Variants in ST8SIA5 observed in about 807,000 individuals in gnomAD.
The protein encoded by ST8SIA5 is ST8 alpha-N-acetyl-neuraminide alpha-2,8-sialyltransferase 5.
Under a neutral mutation model 40.2 loss-of-function variants are expected in ST8SIA5, and 24 were observed. The observed-to-expected ratio is 0.60, with a 90% CI of 0.43 to 0.84. The LOEUF (loss-of-function observed/expected upper bound fraction) is 0.84. Ranked by LOEUF, ST8SIA5 falls within the 40% of genes least tolerant of loss-of-function variation. ST8SIA5 has a pLI of 0.00. For missense variants in ST8SIA5, 465 were observed against 498.5 expected (o/e 0.93, Z 0.64); for synonymous variants, 198 against 201.8 (o/e 0.98, Z 0.16).
At chr18:46,746,050 GT>G (rs1380915277) in intron 1 of ST8SIA5, among the ~76,000 whole-genome samples, 1 of 152,030 alleles carries the variant, frequency 6.6e-6, no homozygotes, top group East Asian at 1.9e-4. Context: ...TAAACTAGGT[GT>G]TGAAGGAACG....
chr18:46,689,895 G>T (rs1213678233), intron 3 of ST8SIA5, among the ~76,000 whole-genome samples: 4 of 147,210 alleles, frequency 2.7e-5, no homozygotes, highest in South Asian at 2.2e-4. Flanking sequence ...GGCCTATAAT[G>T]TTTTTTTTTT....
intron 2 of ST8SIA5, among the ~76,000 whole-genome samples, chr18:46,698,235 C>T (rs946573122): frequency 4.0e-5 from 6 of 151,318 alleles, no homozygotes; most frequent in Admixed American, 2.0e-4. Flanking sequence ...ACCCACCACA[C>T]CAACAATCAA....
intron 1 of ST8SIA5, among the ~76,000 whole-genome samples, chr18:46,729,084 C>T (rs888813564): frequency 2.6e-5 from 4 of 152,162 alleles, no homozygotes; most frequent in Non-Finnish European, 5.9e-5. Context: ...CAATGTCCCT[C>T]AACCTCCAAC....
intron 1 of ST8SIA5, among the ~76,000 whole-genome samples, chr18:46,740,550 A>G (rs2040077987): frequency 6.6e-6 from 1 of 152,230 alleles, no homozygotes; most frequent in African/African-American, 2.4e-5. Flanking sequence ...TCAATATCAT[A>G]AATATCATGT....
rs2039332625 is a variant in ST8SIA5, at chr18:46,675,289, A to C, written c.*4753T>G. Reference sequence around the variant, plus strand: ...ACTGTGCTAGGCATTGTGCAACACTATTTCACTTAGCTTTGCAACAGCTGT... The same window carrying C: ...ACTGTGCTAGGCATTGTGCAACACTCTTTCACTTAGCTTTGCAACAGCTGT... On this transcript the variant is annotated 3_prime_UTR_variant, in exon 7 of 7. Coordinates refer to ENST00000315087, the MANE Select transcript of ST8SIA5 (RefSeq NM_013305.6). The C allele has an allele frequency of 6.6e-6, 1 of 152,144 alleles. No individual in the cohort carries two copies. The highest frequency in any genetic ancestry group is 2.4e-5 in the African/African-American group (1 of 41,412). The allele number at this position is 152,144 out of a possible 1,614,324, so 9.4% of individuals were successfully genotyped here.
chr18:46,733,578 G>A (rs1352425592), intron 1 of ST8SIA5, among the ~76,000 whole-genome samples: 3 of 151,880 alleles, frequency 2.0e-5, no homozygotes, highest in Non-Finnish European at 2.9e-5. Flanking sequence ...ACGCTAAAGG[G>A]TGAAAGGTGT....
intron 2 of ST8SIA5, among the ~76,000 whole-genome samples, chr18:46,699,416 G>A (rs908352917): frequency 7.3e-5 from 11 of 150,772 alleles, no homozygotes; most frequent in Admixed American, 2.0e-4. Flanking sequence ...GTCTTACTCC[G>A]TCGCCCAGGC....
chr18:46,691,786 G>A, intron 3 of ST8SIA5: 1 of 211,890 alleles, frequency 4.7e-6, no homozygotes, highest in East Asian at 1.1e-4. Flanking sequence ...GCTGCCCCAG[G>A]ACAGGGGAGG....
At chr18:46,725,988 T>TATATATATATATATATATATATATCCTGG (rs2039921035) in intron 1 of ST8SIA5, among the ~76,000 whole-genome samples, 1 of 58,558 alleles carries the variant, frequency 1.7e-5, no homozygotes, top group African/African-American at 5.9e-5. Flanking sequence ...TATATATATA[T>TATATATATATATATATATATATATCCTGG]ATATATATAT....
chr18:46,741,200 T>C (rs1013368585), intron 1 of ST8SIA5, among the ~76,000 whole-genome samples: 2 of 152,074 alleles, frequency 1.3e-5, no homozygotes, highest in Middle Eastern at 3.2e-3. Context: ...GGCAAACCGA[T>C]GGATATGACA....
chr18:46,686,042 C>A (rs899491560), intron 5 of ST8SIA5, 132 bp downstream of exon 5: 15 of 819,970 alleles, frequency 1.8e-5, no homozygotes, highest in Non-Finnish European at 2.8e-5. Context: ...AAGGGATATC[C>A]CAGACCTGAG....
intron 2 of ST8SIA5, 116 bp from the exon 3 acceptor site, chr18:46,692,371 C>G: frequency 1.2e-6 from 1 of 851,394 alleles, no homozygotes; most frequent in Non-Finnish European, 1.9e-6. Flanking sequence ...TGGGGCTGGC[C>G]CTTGGCATTG....
chr18:46,705,370 C>T (rs996739802), intron 1 of ST8SIA5, among the ~76,000 whole-genome samples: 3 of 152,260 alleles, frequency 2.0e-5, no homozygotes, highest in African/African-American at 7.2e-5. Context: ...TCAACCAACA[C>T]TTACTAAGCC....
Position 46,681,914 on chromosome 18 carries a change from G to C in ST8SIA5, c.662+58C>G, listed in dbSNP as rs1251205509. 2.6e-6 allele frequency: 4 copies of C among 1,551,892 alleles called. No homozygotes were observed. In the Admixed American group the frequency reaches 7.0e-5, roughly 27 times the overall value. On this transcript the variant is annotated intron_variant, in intron 6 of 6. Transcript: ENST00000315087. Reference sequence around the variant, plus strand: ...ACAACACTTCCAGTGCCCAGTAGCCGCATGTGACTATTGGCTACCATTTTG... The same window carrying C: ...ACAACACTTCCAGTGCCCAGTAGCCCCATGTGACTATTGGCTACCATTTTG...
At chr18:46,755,681 T>C (rs1173935516) in intron 1 of ST8SIA5, among the ~76,000 whole-genome samples, 3 of 151,942 alleles carry the variant, frequency 2.0e-5, no homozygotes. Flanking sequence ...AGTTTAACCG[T>C]GGATTGGGGT....
chr18:46,744,834 A>G (rs2040122967), intron 1 of ST8SIA5, among the ~76,000 whole-genome samples: 1 of 152,228 alleles, frequency 6.6e-6, no homozygotes, highest in Non-Finnish European at 1.5e-5. Flanking sequence ...TCCTCAGCAA[A>G]TGTAAAAGAA....
rs530110522 is a variant in ST8SIA5 at position 46,705,066 on chromosome 18, C to A, written c.132-402G>T. The stretch of plus-strand genomic sequence containing the variant: ...GCAGCACTGGGAGTCCGACAGTGAG[C>A]CTTCAGGCCTCCAACTTGCCCTTCC... On this transcript the variant is annotated intron_variant, in intron 1 of 6. Transcript: ENST00000315087. Among the ~76,000 whole-genome samples the A allele has an allele frequency of 1.8e-4, 28 of 152,354 alleles. 1 individual carries two copies. In the South Asian group the frequency reaches 5.8e-3, roughly 32 times the overall value.
At chr18:46,726,792 G>A (rs138031661) in intron 1 of ST8SIA5, among the ~76,000 whole-genome samples, 2 of 152,200 alleles carry the variant, frequency 1.3e-5, no homozygotes, top group East Asian at 3.9e-4. Flanking sequence ...GGTGGCGCAT[G>A]CCTGTAATCT....
At chr18:46,755,423 C>G (rs1568284930) in intron 1 of ST8SIA5, among the ~76,000 whole-genome samples, 1 of 152,150 alleles carries the variant, frequency 6.6e-6, no homozygotes, top group Non-Finnish European at 1.5e-5. Context: ...TAGCAGCAAA[C>G]TAAAAAACAG....
Sources: allele counts gnomAD v4.1 joint callset (sites outside exome capture counted in the v4.1 genomes callset), GRCh38; gene constraint gnomAD v4.1.1; transcripts MANE v1.5; gene names NCBI Gene and HGNC (gene_info 2026-07-23, HGNC 2026-07-21).